The following ITGBL1 variants were observed in gnomAD, a reference collection of about 807,000 sequenced individuals.
The protein encoded by ITGBL1 is integrin subunit beta like 1, also known as integrin beta-like protein 1.
In ITGBL1, 51 loss-of-function variants were observed where a neutral mutation model predicts 68.5. The ratio of observed to expected loss-of-function variants is 0.74; its 90% confidence interval spans 0.59 to 0.94. The LOEUF (loss-of-function observed/expected upper bound fraction) is 0.94, where lower values mean the gene tolerates loss of function less well. Among genes scored for constraint, ITGBL1 ranks in the 40% least tolerant of loss-of-function variants. ITGBL1 has a pLI of 0.00. For missense variants in ITGBL1, 649 were observed against 647.4 expected (o/e 1.00, Z -0.03); for synonymous variants, 209 against 227.3 (o/e 0.92, Z 0.72).
chr13:101,645,422 C>T (rs767735313), intron 7 of ITGBL1, among the ~76,000 whole-genome samples: 1 of 151,862 alleles, frequency 6.6e-6, no homozygotes, highest in Non-Finnish European at 1.5e-5. Context: ...TGATTGCATT[C>T]GACAGGATAT....
rs554468086 is a variant in ITGBL1, at chr13:101,623,443, C to T, written c.1015+25144C>T. ...TATTCCTACCCAATTATCTAACATA[C>T]AATTGTCATTTTGTTATGAGATACA... On this transcript the variant is annotated intron_variant, in intron 7 of 10. Transcript: ENST00000376180. Among the ~76,000 whole-genome samples the T allele has an allele frequency of 2.6e-5, 4 of 152,252 alleles. No homozygotes were observed. In the South Asian group the frequency reaches 8.3e-4, roughly 32 times the overall value.
chr13:101,599,947 A>G (rs2030250933), intron 7 of ITGBL1, among the ~76,000 whole-genome samples: 1 of 152,148 alleles, frequency 6.6e-6, no homozygotes, highest in Admixed American at 6.6e-5. Flanking sequence ...TATGAACTTT[A>G]AAGTAGTTTT....
At chr13:101,653,207 G>A (rs2032809576) in intron 7 of ITGBL1, among the ~76,000 whole-genome samples, 1 of 150,510 alleles carries the variant, frequency 6.6e-6, no homozygotes, top group African/African-American at 2.4e-5. Context: ...GGGGAGGAAA[G>A]GAGAAAGGAA....
chr13:101,707,886 C>T (rs1262919267), intron 9 of ITGBL1, among the ~76,000 whole-genome samples: 1 of 146,530 alleles, frequency 6.8e-6, no homozygotes, highest in South Asian at 2.2e-4. Context: ...AATAATTAAA[C>T]AAAGAAAACA....
At chr13:101,663,914 G>A (rs1395295116) in intron 7 of ITGBL1, among the ~76,000 whole-genome samples, 1 of 152,184 alleles carries the variant, frequency 6.6e-6, no homozygotes, top group East Asian at 1.9e-4. Flanking sequence ...GGGAAAGAGA[G>A]AGAGGAAGTG....
At chr13:101,571,912 A>T (rs757355892) in intron 3 of ITGBL1, among the ~76,000 whole-genome samples, 9 of 152,016 alleles carry the variant, frequency 5.9e-5, no homozygotes, top group Non-Finnish European at 1.2e-4. Context: ...CTTATGCTTG[A>T]GCATTTAGAC....
intron 7 of ITGBL1, among the ~76,000 whole-genome samples, chr13:101,667,737 T>C (rs1306428991): frequency 6.6e-6 from 1 of 152,146 alleles, no homozygotes; most frequent in African/African-American, 2.4e-5. Context: ...AGCTATAAGA[T>C]CTTTGTGTGT....
intron 8 of ITGBL1, among the ~76,000 whole-genome samples, chr13:101,699,554 ACT>A (rs1364502742): frequency 6.6e-6 from 1 of 151,756 alleles, no homozygotes; most frequent in Non-Finnish European, 1.5e-5. Flanking sequence ...CCTTCACTCG[ACT>A]CTCATACTTC....
At chr13:101,494,834 T>C (rs1421919995) in intron 2 of ITGBL1, among the ~76,000 whole-genome samples, 1 of 152,218 alleles carries the variant, frequency 6.6e-6, no homozygotes, top group African/African-American at 2.4e-5. Flanking sequence ...TGTAAAAGTC[T>C]ATGAAATACT....
chr13:101,522,393 G>A (rs2049301057), intron 2 of ITGBL1, among the ~76,000 whole-genome samples: 1 of 152,130 alleles, frequency 6.6e-6, no homozygotes, highest in African/African-American at 2.4e-5. Flanking sequence ...TCCCTCCATT[G>A]GGCCAGCCCT....
chr13:101,615,502 ATGTT>A (rs1331481916), intron 7 of ITGBL1, among the ~76,000 whole-genome samples: 2 of 152,066 alleles, frequency 1.3e-5, no homozygotes, highest in Non-Finnish European at 2.9e-5. Context: ...TTTGGCCTGA[ATGTT>A]TGTGCCCTTC....
At chr13:101,609,548 T>C (rs189424045) in intron 7 of ITGBL1, among the ~76,000 whole-genome samples, 2 of 152,270 alleles carry the variant, frequency 1.3e-5, no homozygotes, top group Admixed American at 6.5e-5. Flanking sequence ...AGAGACGATC[T>C]CATTCAGGTT....
chr13:101,479,008 T>A (rs1267605138), intron 2 of ITGBL1, among the ~76,000 whole-genome samples: 3 of 152,012 alleles, frequency 2.0e-5, no homozygotes, highest in Non-Finnish European at 1.5e-5. Context: ...CAAAGCCATC[T>A]TGAGCAAAAA....
downstream of ITGBL1, chr13:101,720,302 T>TA (rs2034884485): frequency 6.6e-6 from 1 of 152,094 alleles, no homozygotes; most frequent in African/African-American, 2.4e-5. Flanking sequence ...CCCTCTGCAA[T>TA]ATGTCTAAAC....
intron 2 of ITGBL1, among the ~76,000 whole-genome samples, chr13:101,557,408 G>A (rs993693899): frequency 3.9e-5 from 6 of 152,088 alleles, no homozygotes; most frequent in South Asian, 2.1e-4. Context: ...TGTGCATGTC[G>A]TTCTTCATTT....
intron 6 of ITGBL1, among the ~76,000 whole-genome samples, chr13:101,595,803 C>A (rs1337977716): frequency 6.6e-6 from 1 of 151,872 alleles, no homozygotes; most frequent in Non-Finnish European, 1.5e-5. Flanking sequence ...CTTAAAAAAT[C>A]AAAAAGAGAA....
chr13:101,482,014 T>C (rs1189166891), intron 2 of ITGBL1, among the ~76,000 whole-genome samples: 1 of 152,042 alleles, frequency 6.6e-6, no homozygotes, highest in Non-Finnish European at 1.5e-5. Context: ...CAGTTGTTCA[T>C]GAAATGACAG....
intron 2 of ITGBL1, among the ~76,000 whole-genome samples, chr13:101,556,238 T>C (rs2050003342): frequency 6.6e-6 from 1 of 152,222 alleles, no homozygotes; most frequent in Admixed American, 6.5e-5. Context: ...TACCTCAGGA[T>C]GTGATCTTAT....
rs555759409 is a variant in ITGBL1, at chr13:101,547,005, A to T, written c.317-20694A>T. Among the ~76,000 whole-genome samples, 9 of 152,126 alleles carry T rather than the reference A, an allele frequency of 5.9e-5. No homozygotes were observed. The South Asian group carries it at 1.9e-3, about 31-fold the overall frequency. On this transcript the variant is annotated intron_variant, in intron 2 of 10. Coordinates refer to ENST00000376180, the MANE Select transcript of ITGBL1 (RefSeq NM_004791.3). ...AATAAAACCAGAGAAAATAAAACAC[A>T]AAATAAAATCCTATTGATTACTAAA...
Sources: allele counts gnomAD v4.1 joint callset (sites outside exome capture counted in the v4.1 genomes callset), GRCh38; gene constraint gnomAD v4.1.1; transcripts MANE v1.5; gene names NCBI Gene and HGNC (gene_info 2026-07-23, HGNC 2026-07-21).